Variants in SSPN observed in about 807,000 individuals in gnomAD.
SSPN encodes K-ras oncogene-associated protein.
A neutral mutation model predicts 19.1 loss-of-function variants in SSPN; 15 were observed. The observed-to-expected ratio is 0.78, with a 90% confidence interval of 0.52 to 1.21. The LOEUF (loss-of-function observed/expected upper bound fraction) is 1.21. SSPN is among the 50% of genes most tolerant of loss of function. SSPN has a pLI of 0.00. For synonymous variants in SSPN, 147 were observed against 140.3 expected (o/e 1.05, Z -0.34); for missense variants, 291 against 314.0 (o/e 0.93, Z 0.55).
At chr12:26,132,448 T>G (rs1944402202) in intron 1 of SSPN, among the ~76,000 whole-genome samples, 1 of 152,232 alleles carries the variant, frequency 6.6e-6, no homozygotes, top group East Asian at 1.9e-4. Flanking sequence ...GCCTGCTTTT[T>G]GGTACATTTG....
At chr12:26,173,942 G>A (rs1352209622) in intron 1 of SSPN, among the ~76,000 whole-genome samples, 1 of 152,118 alleles carries the variant, frequency 6.6e-6, no homozygotes, top group Non-Finnish European at 1.5e-5. Flanking sequence ...AAATTCATTT[G>A]CAGCCATCTC....
chr12:26,171,508 ACTGCTTGATATGTT>A (rs1044876383), intron 1 of SSPN, among the ~76,000 whole-genome samples: 1 of 152,156 alleles, frequency 6.6e-6, no homozygotes. Flanking sequence ...TTTTCCAGAG[ACTGCTTGATATGTT>A]CTACTAAACA....
intron 1 of SSPN, among the ~76,000 whole-genome samples, chr12:26,168,982 G>A (rs538938243): frequency 6.6e-6 from 1 of 150,942 alleles, no homozygotes; most frequent in African/African-American, 2.4e-5. Flanking sequence ...AGACATAATG[G>A]TAGTGATTTT....
chr12:26,164,716 C>T (rs1480734247), intron 1 of SSPN, among the ~76,000 whole-genome samples: 1 of 152,060 alleles, frequency 6.6e-6, no homozygotes, highest in Admixed American at 6.6e-5. Flanking sequence ...TCTAGTTATA[C>T]CATTTTATAT....
chr12:26,168,723 C>T (rs1264718284), intron 1 of SSPN, among the ~76,000 whole-genome samples: 1 of 152,078 alleles, frequency 6.6e-6, no homozygotes, highest in African/African-American at 2.4e-5. Flanking sequence ...GAGATGGTGA[C>T]AGCACAAAAG....
chr12:26,148,839 T>C (rs1944508438), intron 1 of SSPN, among the ~76,000 whole-genome samples: 1 of 152,222 alleles, frequency 6.6e-6, no homozygotes, highest in South Asian at 2.1e-4. Context: ...TGACCCATCC[T>C]GACTGGCTAA....
intron 1 of SSPN, among the ~76,000 whole-genome samples, chr12:26,208,021 G>GT (rs930181792): frequency 2.1e-5 from 2 of 95,064 alleles, no homozygotes; most frequent in African/African-American, 4.5e-5. Context: ...GTGGTGGTGG[G>GT]GGGGGGGGAT....
At chr12:26,197,023 T>C (rs1006819334) in intron 1 of SSPN, among the ~76,000 whole-genome samples, 1 of 152,258 alleles carries the variant, frequency 6.6e-6, no homozygotes, top group Non-Finnish European at 1.5e-5. Context: ...GGAACTGTTA[T>C]TCCTTTTGGA....
chr12:26,195,185 G>T (rs566521002), upstream of SSPN, among the ~76,000 whole-genome samples: 3 of 152,288 alleles, frequency 2.0e-5, no homozygotes, highest in Admixed American at 6.5e-5. Flanking sequence ...AAATGACTTC[G>T]CAGCTTAGAG....
At chr12:26,140,016 C>T (rs1944449634) in intron 1 of SSPN, among the ~76,000 whole-genome samples, 1 of 152,194 alleles carries the variant, frequency 6.6e-6, no homozygotes, top group Non-Finnish European at 1.5e-5. Flanking sequence ...CATCCAGGCT[C>T]ATGGCTTCAA....
rs1945257681 is a variant in SSPN, at chr12:26,233,527, T to G, written c.*2451T>G. ...TTGCTATGAGCTCGCTGTATATTGA[T>G]AAGTGTAAGAATTGTGTTGCATGAA... On this transcript the variant is annotated 3_prime_UTR_variant, in exon 3 of 3. Coordinates refer to ENST00000242729, the MANE Select transcript of SSPN (RefSeq NM_005086.5). This position sits in a 1 kb window ranked among gnomAD's most constrained non-coding sequence, Gnocchi z 4.3. 1 of 152,210 alleles carries G rather than the reference T, an allele frequency of 6.6e-6. No individual in the cohort carries two copies. The highest frequency in any genetic ancestry group is 1.9e-4 in the East Asian group (1 of 5,202). The allele number at this position is 152,210 out of a possible 1,614,324, so 9.4% of individuals were successfully genotyped here.
chr12:26,159,921 C>T (rs760489747), intron 1 of SSPN, among the ~76,000 whole-genome samples: 2 of 152,148 alleles, frequency 1.3e-5, no homozygotes, highest in South Asian at 4.1e-4. Context: ...ATCAGGATCC[C>T]TTGTTAGAGA....
In SSPN at chr12:26,137,656, ATTTTTTTT is replaced by A. The variant is rs10597345; in HGVS notation, c.-31+15523_-31+15530del. 1.5e-3 allele frequency among the ~76,000 whole-genome samples: 112 copies of A among 76,414 alleles called. 3 individuals are homozygous for A. The highest frequency in any genetic ancestry group is 4.6e-3 in the African/African-American group (70 of 15,254). The allele number at this position is 76,414 out of a possible 152,430, so 50.1% of individuals were successfully genotyped here. ...TGTATGTATATATATATATATATAT[ATTTTTTTT>A]TTTTTTTTTTTTTTTTTTGAGATGG... On this transcript the variant is annotated intron_variant, in intron 1 of 2. Transcript: ENST00000538142.
chr12:26,194,682 T>A (rs1219447396), upstream of SSPN, among the ~76,000 whole-genome samples: 1 of 152,154 alleles, frequency 6.6e-6, no homozygotes, highest in South Asian at 2.1e-4. Context: ...ACAGAGCTTT[T>A]AAAAACAAAT....
intron 1 of SSPN, among the ~76,000 whole-genome samples, chr12:26,176,380 T>C (rs1476792447): frequency 2.0e-5 from 3 of 152,340 alleles, no homozygotes; most frequent in East Asian, 3.9e-4. Context: ...CTATGAGAGA[T>C]GGCCCTAAAC....
At chr12:26,187,168 T>C (rs1944759316) in intron 1 of SSPN, among the ~76,000 whole-genome samples, 2 of 152,236 alleles carry the variant, frequency 1.3e-5, no homozygotes, top group Admixed American at 1.3e-4. Flanking sequence ...GTCCTCCCTG[T>C]GCCCAACCCT....
At chr12:26,176,645 AT>A (rs1044371573) in intron 1 of SSPN, among the ~76,000 whole-genome samples, 1 of 152,232 alleles carries the variant, frequency 6.6e-6, no homozygotes, top group Non-Finnish European at 1.5e-5. Flanking sequence ...AATTAAAAAT[AT>A]TCTTCCAAAA....
intron 1 of SSPN, among the ~76,000 whole-genome samples, chr12:26,163,432 AC>A (rs1944601971): frequency 6.6e-6 from 1 of 152,194 alleles, no homozygotes; most frequent in Non-Finnish European, 1.5e-5. Context: ...CTAACAGATT[AC>A]CTAAGATTGG....
At chr12:26,198,161 A>T (rs1415191175) in intron 1 of SSPN, among the ~76,000 whole-genome samples, 2 of 146,262 alleles carry the variant, frequency 1.4e-5, no homozygotes, top group Non-Finnish European at 3.1e-5. Flanking sequence ...AATAACTTTG[A>T]GTTTTGGGGG....
Sources: gnomAD v4.1 joint callset for allele counts (sites outside exome capture counted in the v4.1 genomes callset) on GRCh38, gnomAD v4.1.1 for gene constraint, Gnocchi (gnomAD v3.1) non-coding constraint, MANE v1.5 for transcripts, NCBI Gene and HGNC (gene_info 2026-07-23, HGNC 2026-07-21) for gene names.